The following CARMIL1 variants were observed in gnomAD, a reference collection of about 807,000 sequenced individuals.
CARMIL1 encodes capping protein regulator and myosin 1 linker 1, also known as F-actin-uncapping protein LRRC16A.
CARMIL1 carries 90 observed loss-of-function variants against 177.1 expected under a neutral mutation model. The ratio of observed to expected loss-of-function variants is 0.51; its 90% confidence interval spans 0.43 to 0.61. The LOEUF (loss-of-function observed/expected upper bound fraction) is 0.61, where lower values mean the gene tolerates loss of function less well. CARMIL1 is among the 20% of genes least tolerant of loss of function. The pLI, the probability that CARMIL1 is intolerant of heterozygous loss-of-function variation, is 0.00. For missense variants in CARMIL1, 1,380 were observed against 1,667.0 expected, an observed-to-expected ratio of 0.83 and a Z score of 3.00; for synonymous variants, 577 against 606.2, an observed-to-expected ratio of 0.95 and a Z score of 0.71.
At chr6:25,412,612 G>C (rs572774098) in intron 2 of CARMIL1, among the ~76,000 whole-genome samples, 8 of 152,242 alleles carry the variant, frequency 5.3e-5, no homozygotes, top group Admixed American at 2.6e-4. Flanking sequence ...CACAGGAAAG[G>C]TTTAGTAATT....
Position 25,541,997 on chromosome 6 carries a change from G to A in CARMIL1, c.2328+1919G>A, listed in dbSNP as rs530874651. ...TGGATTTCTTCAATAACTCAGTGAT[G>A]CATCAAATAATTTCATTCCCCCTTT... On this transcript the variant is annotated intron_variant, in intron 26 of 36. Coordinates refer to ENST00000329474, the MANE Select transcript of CARMIL1 (RefSeq NM_017640.6). Among the ~76,000 whole-genome samples, 26 of 152,266 alleles carry A rather than the reference G, an allele frequency of 1.7e-4. No individual in the cohort carries two copies. In the South Asian group the frequency reaches 4.6e-3, roughly 27 times the overall value.
At chr6:25,339,986 A>G (rs1268674806) in intron 2 of CARMIL1, among the ~76,000 whole-genome samples, 1 of 152,236 alleles carries the variant, frequency 6.6e-6, no homozygotes, top group African/African-American at 2.4e-5. Flanking sequence ...TCCCAACATC[A>G]TGCCTAGTCT....
chr6:25,311,019 A>G (rs1783774659), intron 2 of CARMIL1, among the ~76,000 whole-genome samples: 1 of 141,164 alleles, frequency 7.1e-6, no homozygotes, highest in Admixed American at 7.0e-5. Flanking sequence ...CATCTCTACT[A>G]AAAATACAAA....
At chr6:25,306,140 C>A (rs897535049) in intron 2 of CARMIL1, among the ~76,000 whole-genome samples, 2 of 152,010 alleles carry the variant, frequency 1.3e-5, no homozygotes, top group African/African-American at 4.8e-5. Context: ...TCCATAGAAA[C>A]AGAAAATATC....
chr6:25,426,781 T>C (rs1052775811), intron 4 of CARMIL1, among the ~76,000 whole-genome samples: 5 of 152,226 alleles, frequency 3.3e-5, no homozygotes, highest in African/African-American at 1.2e-4. Context: ...TTAGCTCTTA[T>C]GATAACCGGC....
intron 11 of CARMIL1, among the ~76,000 whole-genome samples, chr6:25,475,378 G>GC (rs1378974979): frequency 2.0e-5 from 3 of 151,262 alleles, no homozygotes; most frequent in Non-Finnish European, 4.4e-5. Context: ...TCTAGCCTGG[G>GC]TGAGAGAGTG....
At chr6:25,395,601 A>G (rs1441532265) in intron 2 of CARMIL1, among the ~76,000 whole-genome samples, 1 of 152,248 alleles carries the variant, frequency 6.6e-6, no homozygotes, top group African/African-American at 2.4e-5. Context: ...TAAAAGTAAC[A>G]TCAATTTTAA....
chr6:25,470,682 G>A (rs1488045747), intron 9 of CARMIL1, among the ~76,000 whole-genome samples: 1 of 152,162 alleles, frequency 6.6e-6, no homozygotes, highest in Non-Finnish European at 1.5e-5. Context: ...AGCAGACTTG[G>A]TGTCTGGTGA....
chr6:25,416,156 T>C (rs1388932835), intron 2 of CARMIL1, among the ~76,000 whole-genome samples: 2 of 152,200 alleles, frequency 1.3e-5, no homozygotes, highest in African/African-American at 4.8e-5. Context: ...CAGTAGGGAT[T>C]GGTCCTTTTC....
chr6:25,454,616 A>G (rs1345119313), intron 8 of CARMIL1, among the ~76,000 whole-genome samples: 4 of 152,036 alleles, frequency 2.6e-5, no homozygotes, highest in Non-Finnish European at 4.4e-5. Context: ...ATAACTAAAT[A>G]TTAAAAAATA....
chr6:25,520,432 GT>G (rs1212610731), intron 23 of CARMIL1, 95 bp downstream of exon 23: 6 of 719,808 alleles, frequency 8.3e-6, no homozygotes, highest in Non-Finnish European at 1.3e-5. Context: ...ATTTTACGAA[GT>G]TTTTTTAAAT....
In CARMIL1 at chr6:25,324,349, GTT is replaced by G. The variant is rs34619369; in HGVS notation, c.138+39455_138+39456del. Among the ~76,000 whole-genome samples the G allele has an allele frequency of 2.8e-3, 406 of 142,702 alleles. 1 individual carries two copies. The highest frequency in any genetic ancestry group is 5.2e-3 in the African/African-American group (198 of 38,320). 93.6% of individuals were successfully genotyped at this position (142,702 alleles called of 152,430 possible). A position where few individuals can be genotyped will look rare whatever the true frequency, so the allele number is the denominator to read the frequency against. The stretch of plus-strand genomic sequence containing the variant: ...AATGTGACATCTCAAGATTCAACAA[GTT>G]TTTTTTTTTTTTTTGCCTTAAACAT... On this transcript the variant is annotated intron_variant, in intron 2 of 36. Transcript: ENST00000329474.
At chr6:25,476,802 T>G (rs1801615448) in intron 11 of CARMIL1, among the ~76,000 whole-genome samples, 2 of 151,948 alleles carry the variant, frequency 1.3e-5, no homozygotes, top group African/African-American at 4.8e-5. Context: ...CTCAAAGAAA[T>G]ACAAGGGCCT....
At chr6:25,496,571 A>G (rs967541347) in intron 16 of CARMIL1, among the ~76,000 whole-genome samples, 8 of 152,056 alleles carry the variant, frequency 5.3e-5, no homozygotes, top group Non-Finnish European at 1.0e-4. Context: ...TTAATATATT[A>G]GAGATCCCTA....
At chr6:25,594,867 A>T (rs1451922516) in intron 32 of CARMIL1, among the ~76,000 whole-genome samples, 1 of 152,150 alleles carries the variant, frequency 6.6e-6, no homozygotes, top group Admixed American at 6.6e-5. Flanking sequence ...ATACCACCCC[A>T]AGATTCTTTT....
rs943027906 is a variant in CARMIL1, at chr6:25,619,655, C to G, written c.*72C>G. 5.0e-6 allele frequency: 7 copies of G among 1,389,950 alleles called. No homozygotes were observed. The highest frequency in any genetic ancestry group is 6.6e-6 in the Non-Finnish European group (7 of 1,053,558). 86.1% of individuals were successfully genotyped at this position (1,389,950 alleles called of 1,614,324 possible). On this transcript the variant is annotated 3_prime_UTR_variant, in exon 37 of 37. Coordinates refer to ENST00000329474, the MANE Select transcript of CARMIL1 (RefSeq NM_017640.6). ...ATCAGAGAGGAACCAAGGGCAACATCTTTTCTTCCCAGGCGTTCTTCTCTG... is the reference window on the plus strand; with the variant it reads ...ATCAGAGAGGAACCAAGGGCAACATGTTTTCTTCCCAGGCGTTCTTCTCTG...
intron 2 of CARMIL1, among the ~76,000 whole-genome samples, chr6:25,318,696 C>T (rs975819008): frequency 6.6e-6 from 1 of 152,094 alleles, no homozygotes; most frequent in African/African-American, 2.4e-5. Context: ...CATCAGCCAC[C>T]CGGGAGACCC....
intron 2 of CARMIL1, among the ~76,000 whole-genome samples, chr6:25,288,086 C>A (rs1445730024): frequency 1.3e-5 from 2 of 152,190 alleles, no homozygotes; most frequent in African/African-American, 4.8e-5. Flanking sequence ...CGGAGAGGAA[C>A]TCCCAACTCA....
chr6:25,286,284 G>T (rs1011315659), intron 2 of CARMIL1, among the ~76,000 whole-genome samples: 6 of 152,216 alleles, frequency 3.9e-5, no homozygotes, highest in African/African-American at 1.4e-4. Flanking sequence ...CTAACTCCAG[G>T]ATATGTGATT....
Sources: gnomAD v4.1 joint callset for allele counts (sites outside exome capture counted in the v4.1 genomes callset) on GRCh38, gnomAD v4.1.1 for gene constraint, MANE v1.5 for transcripts, NCBI Gene and HGNC (gene_info 2026-07-23, HGNC 2026-07-21) for gene names.